Variants in TPP2 observed in about 807,000 individuals in gnomAD.
The protein encoded by TPP2 is tripeptidyl peptidase 2.
Under a neutral mutation model 155.9 loss-of-function variants are expected in TPP2, and 34 were observed. The observed-to-expected ratio is 0.22, with a 90% CI of 0.17 to 0.29. The LOEUF is 0.29. Among genes scored for constraint, TPP2 ranks in the 10% least tolerant of loss-of-function variants. TPP2 has a pLI of 1.00. For missense variants in TPP2, 1,028 were observed against 1,522.3 expected, an observed-to-expected ratio of 0.68 and a Z score of 5.40; for synonymous variants, 510 against 529.4, an observed-to-expected ratio of 0.96 and a Z score of 0.50.
At chr13:102,659,872 TTG>T (rs1354575811) in intron 25 of TPP2, among the ~76,000 whole-genome samples, 5 of 152,218 alleles carry the variant, frequency 3.3e-5, no homozygotes, top group Non-Finnish European at 4.4e-5. Context: ...TCTGTAAATA[TTG>T]TGTATATATT....
At chr13:102,626,484 A>G (rs954341682) in intron 6 of TPP2, among the ~76,000 whole-genome samples, 1 of 152,194 alleles carries the variant, frequency 6.6e-6, no homozygotes, top group Non-Finnish European at 1.5e-5. Flanking sequence ...TCTTAGTTAC[A>G]TGTGCACACA....
chr13:102,656,887 C>G, intron 24 of TPP2, 169 bp from the exon 25 acceptor site: 1 of 515,674 alleles, frequency 1.9e-6, no homozygotes, highest in Non-Finnish European at 3.2e-6. Context: ...GAGAAAATTA[C>G]TGTGACCAGA....
intron 5 of TPP2, among the ~76,000 whole-genome samples, chr13:102,619,890 C>A (rs1595149603): frequency 1.3e-5 from 2 of 152,166 alleles, no homozygotes; most frequent in East Asian, 3.8e-4. Context: ...CATCCACCAT[C>A]TGGGGTAACA....
At chr13:102,677,374 C>CA (rs199710461) in intron 29 of TPP2, among the ~76,000 whole-genome samples, 1 of 152,070 alleles carries the variant, frequency 6.6e-6, no homozygotes, top group Non-Finnish European at 1.5e-5. Flanking sequence ...CCACTCTGCC[C>CA]CCCCCGCTGC....
At chr13:102,676,916 A>G (rs959232222) in intron 29 of TPP2, among the ~76,000 whole-genome samples, 1 of 152,210 alleles carries the variant, frequency 6.6e-6, no homozygotes, top group East Asian at 1.9e-4. Context: ...GCTGATTTCT[A>G]CAGAAGTTAC....
At chr13:102,643,089 G>A (rs1882875889) in intron 16 of TPP2, 133 bp from the exon 17 acceptor site, 1 of 696,586 alleles carries the variant, frequency 1.4e-6, no homozygotes, top group South Asian at 4.0e-5. Flanking sequence ...GCAGATTTGA[G>A]TGTACATTTT....
chr13:102,651,137 T>G (rs962353063), intron 23 of TPP2, among the ~76,000 whole-genome samples: 4 of 152,252 alleles, frequency 2.6e-5, no homozygotes, highest in Non-Finnish European at 5.9e-5. Flanking sequence ...GAAGTTGACA[T>G]GTACTCTTAG....
At chr13:102,607,170 A>C (rs1289019200) in intron 2 of TPP2, among the ~76,000 whole-genome samples, 1 of 152,208 alleles carries the variant, frequency 6.6e-6, no homozygotes, top group Non-Finnish European at 1.5e-5. Context: ...ATGAAAAAAT[A>C]AGTTTCAATT....
At chr13:102,645,645 G>GA (rs1201930053) in intron 19 of TPP2, among the ~76,000 whole-genome samples, 7 of 152,168 alleles carry the variant, frequency 4.6e-5, no homozygotes, top group African/African-American at 1.7e-4. Context: ...AGCTTTTGAA[G>GA]ATATATCCAA....
chr13:102,652,338 C>T (rs1883552245), intron 24 of TPP2, among the ~76,000 whole-genome samples: 1 of 134,014 alleles, frequency 7.5e-6, no homozygotes, highest in Non-Finnish European at 1.6e-5. Flanking sequence ...TGAGATCACA[C>T]CACTGCACTC....
intron 15 of TPP2, among the ~76,000 whole-genome samples, chr13:102,639,641 C>T (rs571330611): frequency 3.6e-4 from 45 of 126,588 alleles, no homozygotes; most frequent in Admixed American, 1.7e-3. Flanking sequence ...TTCTTTGTTA[C>T]GTTTCTAGCT....
intron 8 of TPP2, 144 bp downstream of exon 8, chr13:102,628,068 A>AAAG: frequency 4.5e-6 from 3 of 667,544 alleles, no homozygotes; most frequent in South Asian, 2.0e-5. Flanking sequence ...GAGGACTTTC[A>AAAG]TCCTCTTGAA....
chr13:102,631,119 G>A (rs1881990726), intron 10 of TPP2, among the ~76,000 whole-genome samples: 1 of 152,192 alleles, frequency 6.6e-6, no homozygotes, highest in Non-Finnish European at 1.5e-5. Context: ...GCAGGTTTCA[G>A]TGTAAAGTTT....
At chr13:102,634,446 TA>T (rs1377790154) in intron 11 of TPP2, among the ~76,000 whole-genome samples, 1 of 152,254 alleles carries the variant, frequency 6.6e-6, no homozygotes, top group Admixed American at 6.5e-5. Context: ...TGTTGCATGT[TA>T]GAGGTTAATG....
At chr13:102,670,977 A>T (rs1884938508) in intron 27 of TPP2, among the ~76,000 whole-genome samples, 1 of 152,224 alleles carries the variant, frequency 6.6e-6, no homozygotes, top group African/African-American at 2.4e-5. Context: ...AATATCATCC[A>T]TAAAATGAAT....
intron 24 of TPP2, among the ~76,000 whole-genome samples, chr13:102,651,988 T>C (rs1037970328): frequency 6.6e-6 from 1 of 152,194 alleles, no homozygotes; most frequent in South Asian, 2.1e-4. Context: ...CCATCGCTAC[T>C]AAGTGGTCTG....
At chr13:102,600,128 G>A (rs1466296329) in intron 1 of TPP2, among the ~76,000 whole-genome samples, 2 of 151,678 alleles carry the variant, frequency 1.3e-5, no homozygotes, top group Non-Finnish European at 2.9e-5. Context: ...GCCTCCTTAT[G>A]TAGCCTCAGT....
intron 25 of TPP2, 53 bp downstream of exon 25, chr13:102,657,260 A>T (rs917055571): frequency 6.8e-7 from 1 of 1,461,240 alleles, no homozygotes; most frequent in Non-Finnish European, 9.1e-7. Context: ...TATTTTCCCA[A>T]CTATAACAAT....
intron 2 of TPP2, among the ~76,000 whole-genome samples, chr13:102,612,565 C>T (rs1198289514): frequency 1.3e-5 from 2 of 152,094 alleles, no homozygotes; most frequent in South Asian, 2.1e-4. Flanking sequence ...AATAAAATTT[C>T]ATAATTGCCT....
Sources: gnomAD v4.1 joint callset for allele counts (sites outside exome capture counted in the v4.1 genomes callset) on GRCh38, gnomAD v4.1.1 for gene constraint, MANE v1.5 for transcripts, NCBI Gene and HGNC (gene_info 2026-07-23, HGNC 2026-07-21) for gene names.